The following SOX6 variants were observed in gnomAD, a reference collection of about 807,000 sequenced individuals.
The protein encoded by SOX6 is SRY-box transcription factor 6.
SOX6 carries 11 observed loss-of-function variants against 97.8 expected under a neutral mutation model. The ratio of observed to expected loss-of-function variants is 0.11; its 90% confidence interval spans 0.07 to 0.19. The LOEUF (loss-of-function observed/expected upper bound fraction) is 0.19, where lower values mean the gene tolerates loss of function less well. Among genes scored for constraint, SOX6 ranks in the 10% least tolerant of loss-of-function variants. The probability of loss-of-function intolerance (pLI) is 1.00; values close to 1 mark genes in which losing one functional copy is unlikely to be tolerated. For missense variants in SOX6, 810 were observed against 1,039.5 expected (o/e 0.78, Z 3.04); for synonymous variants, 360 against 371.4 (o/e 0.97, Z 0.35).
chr11:16,569,868 C>CAAAAAAAAAAAAAAAAAAAAAAAA (rs34604334), intron 4 of SOX6, among the ~76,000 whole-genome samples: 75 of 84,722 alleles, frequency 8.9e-4, no homozygotes, highest in Middle Eastern at 6.8e-3. Context: ...GACTCCGTCT[C>CAAAAAAAAAAAAAAAAAAAAAAAA]AAAAAAAAAA....
At chr11:16,515,680 G>T (rs542817805) in intron 4 of SOX6, among the ~76,000 whole-genome samples, 42 of 115,208 alleles carry the variant, frequency 3.6e-4, no homozygotes, top group Middle Eastern at 3.8e-3. Flanking sequence ...TATGGTTTTA[G>T]GTCTAACGTT....
At position 16,268,615 on chromosome 11, in the gene SOX6, T is replaced by C. The variant is rs558475631; in HGVS notation, c.446-33944A>G. Among the ~76,000 whole-genome samples, 132 of 151,336 alleles carry C rather than the reference T, an allele frequency of 8.7e-4. 1 individual carries two copies. The highest frequency in any genetic ancestry group is 3.0e-3 in the African/African-American group (125 of 41,472). On this transcript the variant is annotated intron_variant, in intron 3 of 15. Coordinates refer to ENST00000683767, the MANE Select transcript of SOX6 (RefSeq NM_001367873.1). ...AGAAGAAATGACAAATTCACAATTG[T>C]AAGTCAGATAATTCAACACCCCTTT...
intron 3 of SOX6, among the ~76,000 whole-genome samples, chr11:16,237,188 C>A (rs1301518230): frequency 6.6e-6 from 1 of 151,844 alleles, no homozygotes; most frequent in African/African-American, 2.4e-5. Flanking sequence ...TGCTTTCTAC[C>A]CCATTATCTG....
At chr11:16,472,761 C>T (rs572721829) in intron 1 of SOX6, among the ~76,000 whole-genome samples, 1 of 152,056 alleles carries the variant, frequency 6.6e-6, no homozygotes, top group South Asian at 2.1e-4. Context: ...TTTTCAATAG[C>T]TCTGCTTAAA....
At chr11:16,366,094 T>C (rs1857352718) in intron 1 of SOX6, among the ~76,000 whole-genome samples, 2 of 152,152 alleles carry the variant, frequency 1.3e-5, no homozygotes, top group Non-Finnish European at 2.9e-5. Flanking sequence ...CATTAACAAA[T>C]AAGATTCTGG....
intron 13 of SOX6, among the ~76,000 whole-genome samples, chr11:15,992,062 A>T (rs530945203): frequency 1.3e-5 from 2 of 152,360 alleles, no homozygotes; most frequent in East Asian, 3.9e-4. Flanking sequence ...TGGGACTCAC[A>T]TGTAATGCTT....
At chr11:16,296,029 C>T (rs899332888) in intron 3 of SOX6, among the ~76,000 whole-genome samples, 4 of 152,088 alleles carry the variant, frequency 2.6e-5, no homozygotes, top group African/African-American at 9.7e-5. Context: ...GTCCTTTAGG[C>T]CCTTCCTATG....
intron 1 of SOX6, among the ~76,000 whole-genome samples, chr11:16,395,968 CTGATT>C (rs1399886579): frequency 6.6e-6 from 1 of 151,660 alleles, no homozygotes; most frequent in African/African-American, 2.4e-5. Flanking sequence ...TAAGAATTCA[CTGATT>C]TATTTCCCTT....
intron 1 of SOX6, among the ~76,000 whole-genome samples, chr11:16,379,139 C>G (rs999730388): frequency 2.0e-5 from 3 of 152,110 alleles, no homozygotes; most frequent in African/African-American, 7.2e-5. Context: ...TATACTACCT[C>G]TCAAAGGTTA....
chr11:16,094,753 A>G (rs1331953822), intron 9 of SOX6, among the ~76,000 whole-genome samples: 1 of 151,896 alleles, frequency 6.6e-6, no homozygotes, highest in Admixed American at 6.6e-5. Flanking sequence ...TTCTGTCTGT[A>G]TAGAAGGCAG....
intron 15 of SOX6, 36 bp downstream of exon 15, chr11:15,986,168 A>C: frequency 6.3e-7 from 1 of 1,594,928 alleles, no homozygotes; most frequent in South Asian, 1.1e-5. Context: ...TTACCGCAAA[A>C]GTAAAGCCCA....
intron 4 of SOX6, among the ~76,000 whole-genome samples, chr11:16,190,984 T>A (rs761935494): frequency 2.0e-5 from 3 of 152,138 alleles, no homozygotes; most frequent in Non-Finnish European, 4.4e-5. Flanking sequence ...GAATACAAGT[T>A]TTTTTATCTT....
rs928622640 is a variant in SOX6, at chr11:16,389,587, G to A, written c.-4-48335C>T. 1.3e-4 allele frequency among the ~76,000 whole-genome samples: 20 copies of A among 151,254 alleles called. 1 individual carries two copies. ...ATTTTCCTGGTTCTTCATATGTTGA[G>A]CAATTTTGGATTATATCTTAGACAT... On this transcript the variant is annotated intron_variant, in intron 1 of 15. Transcript: ENST00000396356.
At chr11:16,268,493 T>C (rs529745408) in intron 3 of SOX6, among the ~76,000 whole-genome samples, 1 of 151,290 alleles carries the variant, frequency 6.6e-6, no homozygotes, top group East Asian at 1.9e-4. Flanking sequence ...TATGATATGA[T>C]ATATGATGAT....
At chr11:16,698,007 C>G (rs1376682209) in intron 3 of SOX6, among the ~76,000 whole-genome samples, 1 of 152,144 alleles carries the variant, frequency 6.6e-6, no homozygotes, top group African/African-American at 2.4e-5. Flanking sequence ...CCTAAGGCTT[C>G]CAAAAAGGTA....
chr11:16,004,429 T>C (rs1351019548), intron 13 of SOX6, among the ~76,000 whole-genome samples: 5 of 152,068 alleles, frequency 3.3e-5, no homozygotes, highest in Non-Finnish European at 7.4e-5. Flanking sequence ...TCTCTTCATT[T>C]CATTTGTCTG....
intron 3 of SOX6, among the ~76,000 whole-genome samples, chr11:16,699,647 A>G (rs2134040632): frequency 6.6e-6 from 1 of 152,300 alleles, no homozygotes; most frequent in South Asian, 2.1e-4. Flanking sequence ...ACACTATACT[A>G]GATACTGTGT....
chr11:16,434,329 G>A (rs1488228220), intron 1 of SOX6: 1 of 151,594 alleles, frequency 6.6e-6, no homozygotes, highest in Admixed American at 6.6e-5. Context: ...TACCCTTGTC[G>A]ACCAAGATTG....
Position 16,599,823 on chromosome 11 carries a change from GA to G in SOX6, n.609+12257del, listed in dbSNP as rs1404608060. ...AATAACTCACATCTTTCCTAAAAAT[GA>G]AAGTTTTTTTGAGTGAATAATAAAA... On this transcript the variant is annotated intron_variant and non_coding_transcript_variant, in intron 4 of 5. Coordinates refer to the SOX6 transcript ENST00000524520. 4.6e-5 allele frequency among the ~76,000 whole-genome samples: 7 copies of G among 152,182 alleles called. No homozygotes were observed. In the Middle Eastern group the frequency reaches 0.014, roughly 296 times the overall value.
Sources: gnomAD v4.1 joint callset for allele counts (sites outside exome capture counted in the v4.1 genomes callset) on GRCh38, gnomAD v4.1.1 for gene constraint, MANE v1.5 for transcripts, NCBI Gene and HGNC (gene_info 2026-07-23, HGNC 2026-07-21) for gene names.